HDX: variants seen among roughly 807,000 people sequenced by gnomAD.
The protein encoded by HDX is highly divergent homeobox, also known as chromosome X open reading frame 43.
A neutral mutation model predicts 45.2 loss-of-function variants in HDX; 19 were observed. The ratio of observed to expected loss-of-function variants is 0.42; its 90% CI spans 0.29 to 0.62. HDX has a LOEUF of 0.62. Among genes scored for constraint, HDX ranks in the 20% least tolerant of loss-of-function variants. HDX has a pLI of 0.20. For missense variants in HDX, 532 were observed against 493.9 expected (o/e 1.08, Z -0.73); for synonymous variants, 188 against 172.8 (o/e 1.09, Z -0.69).
intron 5 of HDX, among the ~76,000 whole-genome samples, chrX:84,377,129 AG>A (rs1470844216): frequency 8.9e-6 from 1 of 112,346 alleles, no homozygotes; most frequent in East Asian, 2.8e-4. Context: ...GAATTATCCC[AG>A]ACATTGTCAA....
chrX:84,497,969 G>C (rs147421009), intron 1 of HDX, among the ~76,000 whole-genome samples: 1,156 of 111,162 alleles, frequency 0.01, 23 homozygotes, highest in African/African-American at 0.037. Flanking sequence ...CCACATGTTT[G>C]CATGACTGTT....
chrX:84,440,805 A>C (rs1422667685), intron 4 of HDX, among the ~76,000 whole-genome samples: 1 of 111,390 alleles, frequency 9.0e-6, no homozygotes, highest in African/African-American at 3.3e-5. Context: ...GGAATTCAAA[A>C]GAAAGGTTCT....
At chrX:84,338,683 A>G (rs1343257437) in intron 7 of HDX, among the ~76,000 whole-genome samples, 1 of 109,406 alleles carries the variant, frequency 9.1e-6, no homozygotes, top group African/African-American at 3.3e-5. Flanking sequence ...CTCCCCTGCC[A>G]TTTGCCACAA....
chrX:84,420,609 G>A (rs1361421509), intron 5 of HDX, among the ~76,000 whole-genome samples: 1 of 111,527 alleles, frequency 9.0e-6, no homozygotes, highest in Non-Finnish European at 1.9e-5. Flanking sequence ...CCAAAACCTA[G>A]AGAAAGATAT....
At chrX:84,424,099 G>T (rs963254419) in intron 5 of HDX, among the ~76,000 whole-genome samples, 2 of 110,502 alleles carry the variant, frequency 1.8e-5, no homozygotes, top group Non-Finnish European at 3.8e-5. Context: ...AATATTAGAA[G>T]GAATAAAGAA....
chrX:84,486,683 A>G (rs12847971), intron 2 of HDX, among the ~76,000 whole-genome samples: 1 of 109,501 alleles, frequency 9.1e-6, no homozygotes, highest in Non-Finnish European at 1.9e-5. Context: ...TTACATCTCC[A>G]TGGTTTCTCT....
intron 5 of HDX, among the ~76,000 whole-genome samples, chrX:84,374,157 C>A (rs1221188491): frequency 9.0e-6 from 1 of 111,277 alleles, no homozygotes; most frequent in African/African-American, 3.3e-5. Context: ...CTCCCATTCA[C>A]AATTGCTTAA....
At chrX:84,361,700 G>C (rs377656673) in intron 5 of HDX, 88 bp from the exon 6 acceptor site, 1 of 631,980 alleles carries the variant, frequency 1.6e-6, no homozygotes, top group Non-Finnish European at 2.3e-6. Context: ...ATCAGGGTGA[G>C]ATGTGCTACG....
intron 5 of HDX, among the ~76,000 whole-genome samples, chrX:84,406,501 T>C (rs201549021): frequency 0.047 from 3,172 of 67,699 alleles, 80 homozygotes; most frequent in African/African-American, 0.1. Context: ...CACACACACA[T>C]ACACACACAC....
At chrX:84,460,301 T>C (rs1174867898) in intron 4 of HDX, among the ~76,000 whole-genome samples, 1 of 111,666 alleles carries the variant, frequency 9.0e-6, no homozygotes, top group Non-Finnish European at 1.9e-5. Context: ...AACAAAATAC[T>C]AGCAAATCGA....
intron 5 of HDX, among the ~76,000 whole-genome samples, chrX:84,388,183 G>A (rs1192776641): frequency 9.0e-6 from 1 of 111,130 alleles, no homozygotes; most frequent in Non-Finnish European, 1.9e-5. Context: ...TAGCTTGATG[G>A]TGTTCCTTCT....
At chrX:84,381,629 T>C (rs190924918) in intron 5 of HDX, among the ~76,000 whole-genome samples, 1 of 111,686 alleles carries the variant, frequency 9.0e-6, no homozygotes, top group African/African-American at 3.2e-5. Flanking sequence ...TAAATGGTGC[T>C]GGGAAAACTG....
intron 5 of HDX, among the ~76,000 whole-genome samples, chrX:84,435,084 G>A (rs1380970490): frequency 9.0e-6 from 1 of 110,511 alleles, no homozygotes; most frequent in Non-Finnish European, 1.9e-5. Flanking sequence ...TTAAGGATTT[G>A]TCAATTTTGC....
intron 5 of HDX, among the ~76,000 whole-genome samples, chrX:84,422,635 G>T (rs2039282567): frequency 9.9e-6 from 1 of 100,589 alleles, no homozygotes; most frequent in Non-Finnish European, 2.0e-5. Flanking sequence ...AATTAAAAAA[G>T]CAATACCAAA....
intron 5 of HDX, among the ~76,000 whole-genome samples, chrX:84,362,948 A>C (rs2037657297): frequency 9.0e-6 from 1 of 111,699 alleles, no homozygotes; most frequent in South Asian, 3.7e-4. Context: ...CCGAAAGGAA[A>C]ATAAATATAT....
intron 2 of HDX, among the ~76,000 whole-genome samples, chrX:84,483,499 A>C (rs754738465): frequency 8.9e-6 from 1 of 112,307 alleles, no homozygotes; most frequent in Non-Finnish European, 1.9e-5. Context: ...GGCCCCTTTT[A>C]GCCATGGCTG....
intron 5 of HDX, among the ~76,000 whole-genome samples, chrX:84,392,710 G>A (rs1490349213): frequency 9.3e-6 from 1 of 108,059 alleles, no homozygotes; most frequent in Admixed American, 1.0e-4. Flanking sequence ...TTTTTTCTTG[G>A]CTACTTTATT....
At chrX:84,337,284 T>C (rs2036987158) in intron 7 of HDX, among the ~76,000 whole-genome samples, 1 of 111,211 alleles carries the variant, frequency 9.0e-6, no homozygotes, top group South Asian at 3.7e-4. Flanking sequence ...TGTGGATACA[T>C]ATAACATTAA....
chrX:84,494,419 A>G (rs986173283), intron 1 of HDX, among the ~76,000 whole-genome samples: 2 of 112,221 alleles, frequency 1.8e-5, no homozygotes, highest in African/African-American at 6.5e-5. Context: ...TACTTTTAAA[A>G]TGTAGGTTGT....
Sources: allele counts gnomAD v4.1 joint callset (sites outside exome capture counted in the v4.1 genomes callset), GRCh38; gene constraint gnomAD v4.1.1; transcripts MANE v1.5; gene names NCBI Gene and HGNC (gene_info 2026-07-23, HGNC 2026-07-21).